FAM234B: variants seen among roughly 807,000 people sequenced by gnomAD.
The protein encoded by FAM234B is protein FAM234B.
In FAM234B, 33 loss-of-function variants were observed where a neutral mutation model predicts 69.3. The observed-to-expected ratio is 0.48, with a 90% CI of 0.36 to 0.64. The LOEUF (loss-of-function observed/expected upper bound fraction) is 0.64. FAM234B is among the 30% of genes least tolerant of loss of function. The pLI is 0.00. For synonymous variants in FAM234B, 306 were observed against 306.9 expected (o/e 1.00, Z 0.03); for missense variants, 697 against 769.7 (o/e 0.91, Z 1.12).
At chr12:13,071,129 C>T (rs1042269155) in intron 9 of FAM234B, 112 bp from the exon 10 acceptor site, 10 of 1,142,608 alleles carry the variant, frequency 8.8e-6, no homozygotes, top group East Asian at 2.4e-5. Context: ...AAAAGCGCAG[C>T]GTGTTGATAT....
chr12:13,076,078 A>T lies in FAM234B; in HGVS notation c.1577A>T (p.His526Leu), dbSNP rs374638566. ...PPSLHHLYLLHPAFPSILLDL... is the reference protein window; with the variant it reads ...PPSLHHLYLLLPAFPSILLDL... ...AGCCTTCACCACCTTTACCTCCTGC[A>T]TCCTGCGTTCCCCTCCATCCTTCTG... The change falls in exon 11 of 13, where the codon CAT (histidine) becomes CTT (leucine). Residue 526 changes from histidine to leucine, a missense_variant. By Grantham distance (99) the His-to-Leu change is moderately conservative. Transcript: ENST00000197268. 5.0e-6 allele frequency: 8 copies of T among 1,614,020 alleles called. No individual in the cohort carries two copies. The highest frequency in any genetic ancestry group is 5.9e-6 in the Non-Finnish European group (7 of 1,180,020).
At chr12:13,051,902 TA>T (rs756647829) in intron 1 of FAM234B, among the ~76,000 whole-genome samples, 3 of 152,230 alleles carry the variant, frequency 2.0e-5, no homozygotes, top group Non-Finnish European at 4.4e-5. Context: ...AGCAGACATA[TA>T]TTATCTTATT....
chr12:13,073,153 CTT>C lies in FAM234B; in HGVS notation c.1524+1770_1524+1771del, dbSNP rs200786648. 2.5e-4 allele frequency among the ~76,000 whole-genome samples: 36 copies of C among 142,468 alleles called. No individual in the cohort carries two copies. In the East Asian group the frequency reaches 4.3e-3, roughly 17 times the overall value. 93.5% of individuals were successfully genotyped at this position (142,468 alleles called of 152,430 possible). ...GCAGATGTTATCATTCTTTTTTTGT[CTT>C]TTTTTTTTTTTTCCTTTTTGTGGAG... On this transcript the variant is annotated intron_variant, in intron 10 of 12. Coordinates refer to ENST00000197268, the MANE Select transcript of FAM234B (RefSeq NM_020853.2).
At chr12:13,054,483 G>T (rs981137478) in intron 1 of FAM234B, among the ~76,000 whole-genome samples, 14 of 152,268 alleles carry the variant, frequency 9.2e-5, no homozygotes, top group Middle Eastern at 3.4e-3. Context: ...TATAATGTAT[G>T]AAATGACATC....
intron 11 of FAM234B, among the ~76,000 whole-genome samples, chr12:13,076,982 C>G (rs1172504284): frequency 6.6e-6 from 1 of 152,156 alleles, no homozygotes; most frequent in East Asian, 1.9e-4. Context: ...ACTTGGCTGT[C>G]TACTTACAAA....
At chr12:13,057,467 T>G (rs959001902) in intron 2 of FAM234B, among the ~76,000 whole-genome samples, 2 of 149,946 alleles carry the variant, frequency 1.3e-5, no homozygotes, top group East Asian at 4.0e-4. Context: ...TTTTTTTTTT[T>G]AAATAAATAA....
intron 1 of FAM234B, among the ~76,000 whole-genome samples, chr12:13,054,542 CT>C (rs1375961480): frequency 3.9e-5 from 6 of 152,280 alleles, no homozygotes; most frequent in Admixed American, 1.3e-4. Context: ...AATAATTATT[CT>C]TTTCCCCTTT....
intron 11 of FAM234B, among the ~76,000 whole-genome samples, chr12:13,077,584 C>T (rs1041671800): frequency 1.3e-5 from 2 of 151,886 alleles, no homozygotes; most frequent in African/African-American, 4.8e-5. Flanking sequence ...ATCCATGTCC[C>T]TACAAAGGAC....
rs554502816 is a variant in FAM234B, at chr12:13,079,988, G to A, written c.1842G>A (p.Lys614=). The change falls in exon 12 of 13, where the codon AAG becomes AAA. Residue 614 remains lysine (K), a synonymous_variant. Coordinates refer to ENST00000197268, the MANE Select transcript of FAM234B (RefSeq NM_020853.2). The stretch of plus-strand genomic sequence containing the variant: ...TGCGAAGATTTCTCTCTAGGATAAA[G>A]TTTGTTGAAGCTCCCTACGAGGTGA... ...GELRRFLSRI[K]FVEAPYEI The A allele has an allele frequency of 1.4e-4, 232 of 1,606,304 alleles. 2 individuals carry two copies. In the South Asian group the frequency reaches 2.5e-3, roughly 17 times the overall value.
chr12:13,075,433 C>CTTTTTTTTTTTTTTTTTTTTTTT (rs59012504), intron 10 of FAM234B, among the ~76,000 whole-genome samples: 1 of 137,506 alleles, frequency 7.3e-6, no homozygotes, highest in Non-Finnish European at 1.6e-5. Context: ...CTTTTCTTTT[C>CTTTTTTTTTTTTTTTTTTTTTTT]TTTTTTTTTT....
In FAM234B at chr12:13,066,740, A is replaced by G; in HGVS notation, c.953A>G (p.Gln318Arg). The change falls in exon 6 of 13, where the codon CAG becomes CGG. Residue 318 changes from glutamine (Q) to arginine (R), a missense_variant. Around this residue, in one of 3 missense-constraint regions of FAM234B, gnomAD observed 380 missense variants for 447.1 expected, o/e 0.85. Coordinates refer to ENST00000197268, the MANE Select transcript of FAM234B (RefSeq NM_020853.2). ...GGAGTTGGGAATCTGATTGGTCCTC[A>G]GGTTTACATCACCACAAATGGGGCT... ...IVGVGNLIGP[Q>R]VYITTNGAVY... 1 of 1,614,064 alleles carries G rather than the reference A, an allele frequency of 6.2e-7. No individual in the cohort carries two copies. Among genetic ancestry groups the G allele is most frequent in the Non-Finnish European group, 8.5e-7 (1 of 1,179,980 alleles).
Position 13,055,703 on chromosome 12 carries a change from G to A in FAM234B, c.190G>A (p.Ala64Thr). 1.9e-6 allele frequency: 3 copies of A among 1,614,246 alleles called. No individual in the cohort carries two copies. The South Asian group carries it at 3.3e-5, about 18-fold the overall frequency. The change falls in exon 2 of 13, where the codon GCT becomes ACT. Residue 64 changes from alanine to threonine, a missense_variant. By Grantham distance (58) the Ala-to-Thr change is moderately conservative. Around this residue, in one of 3 missense-constraint regions of FAM234B, gnomAD observed 380 missense variants for 447.1 expected, o/e 0.85. Coordinates refer to ENST00000197268, the MANE Select transcript of FAM234B (RefSeq NM_020853.2). The part of the protein sequence containing the change: ...LGEAPEPDSD[A>T]EVAEAAKPHL... ...AGAAGCGCCAGAACCCGACTCAGAT[G>A]CTGAGGTTGCAGAGGCTGCAAAGCC...
intron 2 of FAM234B, 114 bp from the exon 3 acceptor site, chr12:13,058,337 C>T (rs1864952663): frequency 1.2e-6 from 1 of 800,944 alleles, no homozygotes; most frequent in Non-Finnish European, 2.2e-6. Flanking sequence ...GGTGTGTCTA[C>T]TATACCTAGT....
intron 4 of FAM234B, 96 bp from the exon 5 acceptor site, chr12:13,062,749 C>A: frequency 7.5e-7 from 1 of 1,332,006 alleles, no homozygotes; most frequent in African/African-American, 1.5e-5. Context: ...GTTGTTCAGC[C>A]CCTTGCGTCT....
chr12:13,056,019 C>T, intron 2 of FAM234B, 73 bp downstream of exon 2: 1 of 1,419,196 alleles, frequency 7.0e-7, no homozygotes, highest in Non-Finnish European at 9.3e-7. Flanking sequence ...AATTTTCCTC[C>T]AAATCTTAAA....
intron 3 of FAM234B, 107 bp downstream of exon 3, chr12:13,058,656 A>C (rs1864956634): frequency 1.1e-6 from 1 of 902,468 alleles, no homozygotes; most frequent in East Asian, 2.4e-5. Context: ...TGCAGTGAAC[A>C]GAAAGTTACC....
At position 13,044,410 on chromosome 12, in the gene FAM234B, A is replaced by G. The variant is rs1389200428; in HGVS notation, c.7A>G (p.Thr3Ala). ...GCGCACCGGGGCCTCAGCCATGGCG[A>G]CCGTGCTGTCCAGGGCGCTCAAGCT... MA[T>A]VLSRALKLPG... Residue 3 changes from threonine to alanine, a missense_variant, in exon 1 of 13, where the codon ACC becomes GCC. Thr to Ala is a moderately conservative substitution (Grantham distance 58). Coordinates refer to ENST00000197268, the MANE Select transcript of FAM234B (RefSeq NM_020853.2). This position sits in a 1 kb window ranked among gnomAD's most constrained non-coding sequence, Gnocchi z 5.6. The G allele has an allele frequency of 7.7e-6, 12 of 1,551,814 alleles. No homozygotes were observed. The highest frequency in any genetic ancestry group is 1.0e-5 in the Non-Finnish European group (12 of 1,147,516).
At chr12:13,049,142 A>G (rs1864845478) in intron 1 of FAM234B, among the ~76,000 whole-genome samples, 1 of 152,206 alleles carries the variant, frequency 6.6e-6, no homozygotes, top group Non-Finnish European at 1.5e-5. Context: ...GAAGACAGTA[A>G]TGTGTCTACC....
chr12:13,079,860 C>A lies in FAM234B; in HGVS notation c.1714C>A (p.Pro572Thr), dbSNP rs1256187615. The A allele has an allele frequency of 1.2e-6, 2 of 1,614,022 alleles. No homozygotes were observed. Among genetic ancestry groups the A allele is most frequent in the Admixed American group, 1.7e-5 (1 of 60,018 alleles). The change falls in exon 12 of 13, where the codon CCA becomes ACA. Residue 572 changes from proline (P) to threonine (T), a missense_variant. This residue lies in a region of FAM234B where 313 missense variants were observed against 305.5 expected (regional missense o/e 1.02). Transcript: ENST00000197268. ...AACAGGGCCAAGCTCCGAAGGCCAT[C>A]CAGCAGCCCTGGTGGTCAGCAAGCT... ...RTTGPSSEGH[P>T]AALVVSKLSL...
Sources: allele counts gnomAD v4.1 joint callset (sites outside exome capture counted in the v4.1 genomes callset), GRCh38; gene constraint gnomAD v4.1.1; regional missense constraint gnomAD v4.1.1; non-coding constraint Gnocchi (gnomAD v3.1); transcripts MANE v1.5; gene names NCBI Gene and HGNC (gene_info 2026-07-23, HGNC 2026-07-21).